The following MOV10 variants were observed in gnomAD, a reference collection of about 807,000 sequenced individuals.
MOV10 encodes RNA helicase MOV-10.
Under a neutral mutation model 108.4 loss-of-function variants are expected in MOV10, and 39 were observed. The observed-to-expected ratio is 0.36, with a 90% CI of 0.28 to 0.47. The LOEUF (loss-of-function observed/expected upper bound fraction) is 0.47, where lower values mean the gene tolerates loss of function less well. Among genes scored for constraint, MOV10 ranks in the 20% least tolerant of loss-of-function variants. The pLI is 1.00. For missense variants in MOV10, 952 were observed against 1,297.6 expected (o/e 0.73, Z 4.09); for synonymous variants, 490 against 523.1 (o/e 0.94, Z 0.86).
In MOV10 at chr1:112,675,179, G is replaced by C. The variant is rs1400949876; in HGVS notation, c.137+130G>C. The C allele has an allele frequency of 1.4e-5, 15 of 1,088,510 alleles. No individual in the cohort carries two copies. The highest frequency in any genetic ancestry group is 5.3e-5 in the South Asian group (3 of 56,600). 67.4% of individuals were successfully genotyped at this position (1,088,510 alleles called of 1,614,324 possible). A position where few individuals can be genotyped will look rare whatever the true frequency, so the allele number is the denominator to read the frequency against. On this transcript the variant is annotated intron_variant, in intron 2 of 20. Coordinates refer to ENST00000369645, the MANE Select transcript of MOV10 (RefSeq NM_001321324.2). This position sits in a 1 kb window ranked among gnomAD's most constrained non-coding sequence, Gnocchi z 4.7. ...TCCCCCAGCGGCTCAGGCCAGTCCCGGGGCGGCGCAGACCTCCCCTCCCGC... is the reference window on the plus strand; with the variant it reads ...TCCCCCAGCGGCTCAGGCCAGTCCCCGGGCGGCGCAGACCTCCCCTCCCGC...
chr1:112,691,529 C>A, intron 5 of MOV10, 136 bp from the exon 6 acceptor site: 4 of 1,024,438 alleles, frequency 3.9e-6, no homozygotes, highest in Non-Finnish European at 4.3e-6. Context: ...GAGAGTAGTC[C>A]ACCCTTGGAG....
Position 112,695,580 on chromosome 1 carries a change from AGG to A in MOV10, c.1779+8_1779+9del. Reference sequence around the variant, plus strand: ...TGGTACCTGAGGACATCAAGGTACTAGGGAAGTGCAGAGGGCCAAAGAATGGC... The same window carrying A: ...TGGTACCTGAGGACATCAAGGTACTAGAAGTGCAGAGGGCCAAAGAATGGC... On this transcript the variant is annotated splice_region_variant and intron_variant, in intron 11 of 20. Transcript: ENST00000369645. The A allele has an allele frequency of 6.2e-7, 1 of 1,612,922 alleles. No individual in the cohort carries two copies. The highest frequency in any genetic ancestry group is 8.5e-7 in the Non-Finnish European group (1 of 1,179,590).
intron 17 of MOV10, 53 bp from the exon 18 acceptor site, chr1:112,699,628 TAGGG>T (rs1674449289): frequency 6.2e-7 from 1 of 1,610,036 alleles, no homozygotes; most frequent in African/African-American, 1.3e-5. Flanking sequence ...CTCCCTGGGG[TAGGG>T]CACCCCTTTG....
rs758553612 is a variant in MOV10 at position 112,694,520 on chromosome 1, C to T, written c.1363C>T (p.Arg455Ter). 3 of 1,614,008 alleles carry T rather than the reference C, an allele frequency of 1.9e-6. No homozygotes were observed. Among genetic ancestry groups the T allele is most frequent in the Non-Finnish European group, 1.7e-6 (2 of 1,180,032 alleles). The stretch of plus-strand genomic sequence containing the variant: ...CTTTACCTTCAACCGCCAGCCGCTG[C>T]GAGTCCAGCACCGTGCCCTGGAGCT... ...VNFTFNRQPLRVQHRALELTG... is the reference protein window; with the variant it reads ...VNFTFNRQPL Residue 455 changes from arginine to a stop codon, truncating the protein, a stop_gained, in exon 9 of 21, where the codon CGA (arginine) becomes TGA (stop). Coordinates refer to ENST00000369645, the MANE Select transcript of MOV10 (RefSeq NM_001321324.2). LOFTEE classifies it high-confidence loss of function. This position sits in a 1 kb window ranked among gnomAD's most constrained non-coding sequence, Gnocchi z 4.1.
intron 2 of MOV10, chr1:112,687,227 T>C (rs955325352): frequency 6.1e-6 from 2 of 330,550 alleles, no homozygotes; most frequent in Non-Finnish European, 1.2e-5. Context: ...TTGAATGATT[T>C]ATTACCTTTT....
rs771793827 is a variant in MOV10, at chr1:112,674,906, C to A, written c.-7C>A. 3.9e-6 allele frequency: 6 copies of A among 1,555,484 alleles called. No individual in the cohort carries two copies. The highest frequency in any genetic ancestry group is 5.2e-6 in the Non-Finnish European group (6 of 1,155,688). On this transcript the variant is annotated 5_prime_UTR_variant, in exon 2 of 21. Transcript: ENST00000369645. ...ACCCTCCTGCCTGGGCCGCAGCCGC[C>A]GCCGCGATGCCCAGTAAGTTCAGCT...
intron 17 of MOV10, chr1:112,699,034 G>A: frequency 1.9e-6 from 1 of 528,466 alleles, no homozygotes; most frequent in Non-Finnish European, 3.4e-6. Flanking sequence ...GCAGGTTTGA[G>A]GCCTCTGCCC....
intron 2 of MOV10, chr1:112,685,126 C>G (rs1051451250): frequency 2.0e-5 from 3 of 151,708 alleles, no homozygotes; most frequent in African/African-American, 7.3e-5. Flanking sequence ...CTCAAGTGAT[C>G]CTTCTGCCTC....
chr1:112,685,202 T>TC (rs1553184425), intron 2 of MOV10: 1,632 of 143,126 alleles, frequency 0.011, 36 homozygotes, highest in African/African-American at 0.034. Context: ...TTTTTTTTTT[T>TC]CACTATTGCC....
chr1:112,699,947 C>A lies in MOV10; in HGVS notation c.2763C>A (p.Asn921Lys), dbSNP rs1314535992. 6.2e-7 allele frequency: 1 copy of A among 1,614,180 alleles called. No homozygotes were observed. Among genetic ancestry groups the A allele is most frequent in the South Asian group, 1.1e-5 (1 of 91,090 alleles). The change falls in exon 19 of 21, where the codon AAC becomes AAA. Residue 921 changes from asparagine (N) to lysine (K), a missense_variant. Physicochemically the swap from Asn to Lys is moderately conservative, Grantham distance 94 (BLOSUM62 0). This residue lies in a region of MOV10 where 65 missense variants were observed against 124.3 expected (regional missense o/e 0.52). Coordinates refer to ENST00000369645, the MANE Select transcript of MOV10 (RefSeq NM_001321324.2). ...AGGCCCTGCTCATCATCGTGGGGAA[C>A]CCCCTTCTCCTGGGCCATGACCCTG... ...RAKALLIIVGNPLLLGHDPDW... is the reference protein window; with the variant it reads ...RAKALLIIVGKPLLLGHDPDW...
rs1308063563 is a variant in MOV10, at chr1:112,698,807, A to C, written c.2583+18A>C. ...ACTTGAAGGTGACATGCTGTTCCAC[A>C]GTCACTCCCTGCCTTCCGTGTGCCC... On this transcript the variant is annotated intron_variant, in intron 17 of 20. Transcript: ENST00000369645. The C allele has an allele frequency of 6.2e-7, 1 of 1,607,470 alleles. No individual in the cohort carries two copies. The highest frequency in any genetic ancestry group is 8.5e-7 in the Non-Finnish European group (1 of 1,173,948).
chr1:112,688,453 C>T, intron 2 of MOV10: 1 of 1,017,360 alleles, frequency 9.8e-7, no homozygotes, highest in Non-Finnish European at 1.2e-6. Flanking sequence ...CACACTTGGA[C>T]ATCTGTACTG....
intron 2 of MOV10, chr1:112,688,340 G>T (rs1673257094): frequency 1.0e-6 from 1 of 989,580 alleles, no homozygotes; most frequent in Non-Finnish European, 1.2e-6. Flanking sequence ...ACAAAGCCAG[G>T]CTATTTGATC....
intron 3 of MOV10, 28 bp downstream of exon 3, chr1:112,689,166 C>G: frequency 1.9e-6 from 3 of 1,565,472 alleles, no homozygotes; most frequent in Non-Finnish European, 2.6e-6. Flanking sequence ...GTTGTGTGTA[C>G]GGGGAGGTCT....
At chr1:112,698,985 G>C (rs1176705953) in intron 17 of MOV10, 196 bp downstream of exon 17, 2 of 593,264 alleles carry the variant, frequency 3.4e-6, no homozygotes, top group African/African-American at 1.9e-5. Flanking sequence ...CAGGAAGCCT[G>C]CATGTTTAAC....
intron 14 of MOV10, among the ~76,000 whole-genome samples, chr1:112,697,554 A>T (rs962823428): frequency 6.6e-6 from 1 of 152,200 alleles, no homozygotes; most frequent in African/African-American, 2.4e-5. Flanking sequence ...CTTTTAGTGA[A>T]TGAGTTCAGC....
At position 112,689,399 on chromosome 1, in the gene MOV10, C is replaced by G; in HGVS notation, c.342-16C>G. 1.1e-5 allele frequency: 7 copies of G among 617,736 alleles called. No individual in the cohort carries two copies. Among genetic ancestry groups the G allele is most frequent in the Non-Finnish European group, 2.1e-5 (7 of 336,938 alleles). The allele number at this position is 617,736 out of a possible 1,614,324, so 38.3% of individuals were successfully genotyped here. On this transcript the variant is annotated splice_polypyrimidine_tract_variant and intron_variant, in intron 3 of 20. Transcript: ENST00000369645. ...CGCTCCCACCCCAACCCCCCCTTGA[C>G]TCCCCTTCTCCCCAGGGCTGAGTAT... is the stretch of plus-strand genomic sequence containing the variant.
rs144473654 is a variant in MOV10 at position 112,691,710 on chromosome 1, C to T, written c.882C>T (p.Tyr294=). 7.6e-5 allele frequency: 122 copies of T among 1,614,038 alleles called. No homozygotes were observed. The highest frequency in any genetic ancestry group is 5.5e-5 in the Non-Finnish European group (65 of 1,180,050). The change falls in exon 6 of 21, where the codon TAC becomes TAT. Residue 294 remains tyrosine (Y), a synonymous_variant. Transcript: ENST00000369645. ...DLELSMALGT[Y]YPPPRLRQLL... is the part of the protein sequence containing the mutation. ...AGTTAAGTATGGCGCTGGGGACATACTACCCACCTCCCCGCCTCAGGCAGC... is the reference window on the plus strand; with the variant it reads ...AGTTAAGTATGGCGCTGGGGACATATTACCCACCTCCCCGCCTCAGGCAGC...
chr1:112,689,076 G>A lies in MOV10; in HGVS notation c.279G>A (p.Met93Ile), dbSNP rs760706906. 3 of 1,612,452 alleles carry A rather than the reference G, an allele frequency of 1.9e-6. No individual in the cohort carries two copies. In the South Asian group the frequency reaches 3.3e-5, roughly 18 times the overall value. Residue 93 changes from methionine (M) to isoleucine (I), a missense_variant, in exon 3 of 21, where the codon ATG (methionine) becomes ATA (isoleucine). Physicochemically the swap from Met to Ile is conservative, Grantham distance 10. Transcript: ENST00000369645. ...ADVRFPEKRR[M>I]KLGSDISKHH... Reference sequence around the variant, plus strand: ...TGCGGTTCCCAGAAAAGAGGAGAATGAAGCTGGGGTCAGATATCAGCAAAC... The same window carrying A: ...TGCGGTTCCCAGAAAAGAGGAGAATAAAGCTGGGGTCAGATATCAGCAAAC...
Sources: allele counts gnomAD v4.1 joint callset (sites outside exome capture counted in the v4.1 genomes callset), GRCh38; gene constraint gnomAD v4.1.1; regional missense constraint gnomAD v4.1.1; non-coding constraint Gnocchi (gnomAD v3.1); transcripts MANE v1.5; gene names NCBI Gene and HGNC (gene_info 2026-07-23, HGNC 2026-07-21).